NFATC3: variants seen among roughly 807,000 people sequenced by gnomAD.
NFATC3 encodes the protein nuclear factor of activated T cells 3.
A neutral mutation model predicts 98.6 loss-of-function variants in NFATC3; 46 were observed. The observed-to-expected ratio is 0.47, with a 90% CI of 0.37 to 0.60. The LOEUF (loss-of-function observed/expected upper bound fraction) is 0.60. Ranked by LOEUF, NFATC3 falls within the 20% of genes least tolerant of loss-of-function variation. NFATC3 has a pLI of 0.00. For missense variants in NFATC3, 1,256 were observed against 1,295.5 expected (o/e 0.97, Z 0.47); for synonymous variants, 512 against 472.2 (o/e 1.08, Z -1.09).
At chr16:68,100,339 G>A (rs919904397) in intron 1 of NFATC3, among the ~76,000 whole-genome samples, 2 of 152,072 alleles carry the variant, frequency 1.3e-5, no homozygotes, top group Non-Finnish European at 2.9e-5. Context: ...TTGGGAGGCC[G>A]AGGTAGGCAG....
At chr16:68,157,492 G>A (rs1460338313) in intron 3 of NFATC3, among the ~76,000 whole-genome samples, 3 of 152,124 alleles carry the variant, frequency 2.0e-5, no homozygotes, top group Non-Finnish European at 2.9e-5. Context: ...TCTGTTAGAG[G>A]ACCTTCCTAT....
At chr16:68,209,647 T>C in intron 9 of NFATC3, 1 of 403,054 alleles carries the variant, frequency 2.5e-6, no homozygotes, top group Non-Finnish European at 4.8e-6. Context: ...TTCATAGAGG[T>C]TCTTTGTGCT....
At chr16:68,149,262 C>G (rs921930857) in intron 3 of NFATC3, among the ~76,000 whole-genome samples, 1 of 152,092 alleles carries the variant, frequency 6.6e-6, no homozygotes, top group African/African-American at 2.4e-5. Context: ...TTTATTAGTT[C>G]CCACAATGCT....
intron 2 of NFATC3, among the ~76,000 whole-genome samples, chr16:68,124,216 C>T (rs954571559): frequency 1.3e-5 from 2 of 152,048 alleles, no homozygotes; most frequent in East Asian, 1.9e-4. Flanking sequence ...ATCCTTATAC[C>T]TCAGGCTCCT....
intron 5 of NFATC3, among the ~76,000 whole-genome samples, chr16:68,172,553 G>A (rs2039513471): frequency 6.6e-6 from 1 of 152,136 alleles, no homozygotes; most frequent in South Asian, 2.1e-4. Context: ...CTTATGTCCA[G>A]AAGGACTGCT....
At chr16:68,226,168 T>G in intron 9 of NFATC3, 182 bp from the exon 10 acceptor site, 1 of 576,542 alleles carries the variant, frequency 1.7e-6, no homozygotes, top group Non-Finnish European at 2.8e-6. Flanking sequence ...AGGTCCAGAG[T>G]AGTTTGTGGA....
chr16:68,177,077 CTT>C (rs894360772), intron 6 of NFATC3, among the ~76,000 whole-genome samples: 3 of 132,354 alleles, frequency 2.3e-5, no homozygotes, highest in African/African-American at 5.6e-5. Flanking sequence ...GAGTTTCGCT[CTT>C]GTTTCCCAGG....
At chr16:68,125,855 T>G (rs1474511118) in intron 2 of NFATC3, among the ~76,000 whole-genome samples, 2 of 152,110 alleles carry the variant, frequency 1.3e-5, no homozygotes, top group African/African-American at 2.4e-5. Context: ...GAAACCAAAA[T>G]GAAGATAAGA....
intron 3 of NFATC3, among the ~76,000 whole-genome samples, chr16:68,129,236 G>A (rs574192585): frequency 6.6e-6 from 1 of 152,320 alleles, no homozygotes; most frequent in East Asian, 1.9e-4. Context: ...CTGCACTCCA[G>A]CTTGGGTGAC....
At chr16:68,195,981 C>T (rs1304691325) in intron 9 of NFATC3, among the ~76,000 whole-genome samples, 2 of 152,114 alleles carry the variant, frequency 1.3e-5, no homozygotes, top group African/African-American at 2.4e-5. Context: ...CTTCAGCCTC[C>T]TGAGTAGCTG....
At chr16:68,197,827 T>C (rs1268898379) in intron 9 of NFATC3, among the ~76,000 whole-genome samples, 1 of 152,244 alleles carries the variant, frequency 6.6e-6, no homozygotes, top group Admixed American at 6.5e-5. Context: ...CAAATTTATA[T>C]ATCCTCTTTT....
At chr16:68,173,604 G>C (rs570894076) in intron 5 of NFATC3, among the ~76,000 whole-genome samples, 1 of 151,994 alleles carries the variant, frequency 6.6e-6, no homozygotes, top group South Asian at 2.1e-4. Context: ...TAAAAAGAAA[G>C]GCTTACTTGG....
intron 9 of NFATC3, among the ~76,000 whole-genome samples, chr16:68,202,829 T>TA (rs1233386268): frequency 2.0e-5 from 3 of 150,318 alleles, no homozygotes; most frequent in Non-Finnish European, 3.0e-5. Flanking sequence ...AATAAATAAA[T>TA]AATAAAAAAA....
intron 3 of NFATC3, among the ~76,000 whole-genome samples, chr16:68,128,642 A>T (rs1474568119): frequency 1.3e-5 from 2 of 152,152 alleles, no homozygotes; most frequent in African/African-American, 4.8e-5. Context: ...ATTTTAAAAG[A>T]TTAAAAAAAC....
intron 3 of NFATC3, among the ~76,000 whole-genome samples, chr16:68,135,197 G>T (rs1208024764): frequency 2.0e-5 from 3 of 151,978 alleles, no homozygotes; most frequent in Admixed American, 1.3e-4. Context: ...GGTGGCTCAC[G>T]CATGTAATCC....
chr16:68,124,431 CTTTTT>C (rs60875488), intron 2 of NFATC3, among the ~76,000 whole-genome samples: 1 of 130,872 alleles, frequency 7.6e-6, no homozygotes. Flanking sequence ...TCTTTTCTTT[CTTTTT>C]TTTTTTTTTT....
chr16:68,108,091 C>T (rs191224549), intron 1 of NFATC3, among the ~76,000 whole-genome samples: 67 of 152,226 alleles, frequency 4.4e-4, no homozygotes, highest in Non-Finnish European at 8.2e-4. Flanking sequence ...TCCCATTTGT[C>T]AGTTTTTGCT....
At chr16:68,172,802 C>T (rs2039524694) in intron 5 of NFATC3, among the ~76,000 whole-genome samples, 1 of 151,984 alleles carries the variant, frequency 6.6e-6, no homozygotes, top group African/African-American at 2.4e-5. Context: ...CAAAAACAAC[C>T]GTTAGAGAAC....
intron 9 of NFATC3, chr16:68,209,625 G>A (rs1043416495): frequency 7.7e-6 from 3 of 391,402 alleles, no homozygotes; most frequent in Admixed American, 5.9e-5. Context: ...ACTGTGATGA[G>A]CCTATGTCAA....
Sources: gnomAD v4.1 joint callset for allele counts (sites outside exome capture counted in the v4.1 genomes callset) on GRCh38, gnomAD v4.1.1 for gene constraint, MANE v1.5 for transcripts, NCBI Gene and HGNC (gene_info 2026-07-23, HGNC 2026-07-21) for gene names.